The following SLC35F4 variants were observed in gnomAD, a reference collection of about 807,000 sequenced individuals.
The protein encoded by SLC35F4 is chromosome 14 open reading frame 36.
Under a neutral mutation model 44.2 loss-of-function variants are expected in SLC35F4, and 24 were observed. The observed-to-expected ratio is 0.54, with a 90% confidence interval of 0.39 to 0.76. The LOEUF (loss-of-function observed/expected upper bound fraction) is 0.76. Ranked by LOEUF, SLC35F4 falls within the 30% of genes least tolerant of loss-of-function variation. The pLI is 0.00. For synonymous variants in SLC35F4, 238 were observed against 223.6 expected (o/e 1.06, Z -0.57); for missense variants, 562 against 586.1 (o/e 0.96, Z 0.42).
At position 57,811,343 on chromosome 14, in the gene SLC35F4, C is replaced by A. The variant is rs185985809; in HGVS notation, c.103+54380G>T. Among the ~76,000 whole-genome samples, 1,001 of 152,198 alleles carry A rather than the reference C, an allele frequency of 6.6e-3. 7 individuals carry two copies. The highest frequency in any genetic ancestry group is 0.011 in the Admixed American group (167 of 15,286). ...TAATCTTTCTGAGCCTCAATTGTCTCGGCTCTAGAATAAGCCAAGTAGGTA... is the reference window on the plus strand; with the variant it reads ...TAATCTTTCTGAGCCTCAATTGTCTAGGCTCTAGAATAAGCCAAGTAGGTA... On this transcript the variant is annotated intron_variant, in intron 1 of 7. Transcript: ENST00000556826.
intron 1 of SLC35F4, among the ~76,000 whole-genome samples, chr14:57,923,767 T>G (rs972275822): frequency 1.1e-4 from 17 of 152,232 alleles, no homozygotes; most frequent in African/African-American, 4.1e-4. Flanking sequence ...CATCTGAGGA[T>G]TCTCAATAGA....
At chr14:57,642,999 G>A (rs554316845) in intron 1 of SLC35F4, among the ~76,000 whole-genome samples, 1 of 151,922 alleles carries the variant, frequency 6.6e-6, no homozygotes, top group East Asian at 1.9e-4. Flanking sequence ...TTAGCACATT[G>A]TTTGTGTAAT....
chr14:57,834,977 C>T lies in SLC35F4; in HGVS notation c.103+30746G>A, dbSNP rs542762937. 3.8e-4 allele frequency among the ~76,000 whole-genome samples: 58 copies of T among 152,200 alleles called. 3 individuals are homozygous for T. The highest frequency in any genetic ancestry group is 1.5e-3 in the East Asian group (8 of 5,168). ...CCAGAAGGCAGAGATTGCAGTGGGC[C>T]GAGATCGCACCACTGCACTCCAGCC... On this transcript the variant is annotated intron_variant, in intron 1 of 7. Coordinates refer to ENST00000556826, the MANE Select transcript of SLC35F4 (RefSeq NM_001306087.2).
chr14:57,717,723 T>A (rs1486224783), intron 1 of SLC35F4, among the ~76,000 whole-genome samples: 2 of 152,238 alleles, frequency 1.3e-5, no homozygotes, highest in African/African-American at 4.8e-5. Context: ...ACTTTTAATT[T>A]TTGTGGGTAC....
At chr14:57,774,644 CCT>C (rs1292754680) in intron 1 of SLC35F4, among the ~76,000 whole-genome samples, 1 of 152,206 alleles carries the variant, frequency 6.6e-6, no homozygotes, top group Non-Finnish European at 1.5e-5. Flanking sequence ...CCTGGCCACA[CCT>C]GCTTGCAGTA....
chr14:57,921,797 A>T (rs2141058411), intron 1 of SLC35F4, among the ~76,000 whole-genome samples: 1 of 152,278 alleles, frequency 6.6e-6, no homozygotes, highest in South Asian at 2.1e-4. Flanking sequence ...ACCTCGTCTG[A>T]ACTAATTACA....
chr14:57,782,686 AC>A (rs1303244020), intron 1 of SLC35F4, among the ~76,000 whole-genome samples: 1 of 152,178 alleles, frequency 6.6e-6, no homozygotes, highest in Non-Finnish European at 1.5e-5. Context: ...TGCTTAAAAC[AC>A]CCTGCGTAAG....
At chr14:57,927,020 C>A (rs1453506732) in intron 1 of SLC35F4, among the ~76,000 whole-genome samples, 1 of 152,112 alleles carries the variant, frequency 6.6e-6, no homozygotes, top group Admixed American at 6.5e-5. Context: ...GAATGAAGGC[C>A]ACATTCCCCA....
intron 1 of SLC35F4, among the ~76,000 whole-genome samples, chr14:57,935,643 C>T (rs1238676388): frequency 6.6e-6 from 1 of 152,170 alleles, no homozygotes. Flanking sequence ...CATATATTTC[C>T]TATCAGCTCT....
chr14:57,629,847 A>C (rs988324487), intron 1 of SLC35F4: 2 of 338,922 alleles, frequency 5.9e-6, no homozygotes, highest in South Asian at 2.4e-5. Context: ...GCAGCCGGAG[A>C]TGCAGACAGT....
At chr14:57,723,848 GAGCAAGA>G (rs535517029) in intron 1 of SLC35F4, among the ~76,000 whole-genome samples, 7 of 152,282 alleles carry the variant, frequency 4.6e-5, no homozygotes, top group African/African-American at 1.7e-4. Context: ...TGGATCTAGT[GAGCAAGA>G]AGTAGCAAAC....
intron 1 of SLC35F4, among the ~76,000 whole-genome samples, chr14:57,926,287 T>A (rs1323896304): frequency 6.6e-6 from 1 of 152,214 alleles, no homozygotes; most frequent in Non-Finnish European, 1.5e-5. Context: ...ATGTTTGCTG[T>A]GGCAGGGCTC....
At chr14:57,861,681 C>G (rs1887691463) in intron 1 of SLC35F4, among the ~76,000 whole-genome samples, 1 of 152,152 alleles carries the variant, frequency 6.6e-6, no homozygotes, top group African/African-American at 2.4e-5. Flanking sequence ...AATCGGTCTT[C>G]TTTTTACTTG....
intron 1 of SLC35F4, among the ~76,000 whole-genome samples, chr14:57,954,869 T>C (rs1890207914): frequency 1.3e-5 from 2 of 150,810 alleles, no homozygotes; most frequent in Admixed American, 1.3e-4. Context: ...CTGGTACCAT[T>C]CCTTTTGAAA....
At chr14:57,785,349 C>T (rs929224002) in intron 1 of SLC35F4, among the ~76,000 whole-genome samples, 9 of 152,080 alleles carry the variant, frequency 5.9e-5, no homozygotes, top group African/African-American at 1.7e-4. Flanking sequence ...CTCCATTGCA[C>T]GGCACCCCTG....
At chr14:57,741,738 G>A (rs1006096628) in intron 1 of SLC35F4, among the ~76,000 whole-genome samples, 3 of 150,440 alleles carry the variant, frequency 2.0e-5, no homozygotes, top group Admixed American at 1.3e-4. Flanking sequence ...TACAGAGAAT[G>A]CAATGAGAAG....
At chr14:57,760,813 G>C (rs1208508884) in intron 1 of SLC35F4, among the ~76,000 whole-genome samples, 1 of 152,162 alleles carries the variant, frequency 6.6e-6, no homozygotes, top group Non-Finnish European at 1.5e-5. Context: ...GTGAGTCTCA[G>C]ATACCAATAA....
rs561851906 is a variant in SLC35F4, at chr14:57,723,894, G to A, written c.104-129770C>T. Among the ~76,000 whole-genome samples the A allele has an allele frequency of 3.9e-5, 6 of 152,268 alleles. 1 individual carries two copies. Among genetic ancestry groups the A allele is most frequent in the Admixed American group, 3.9e-4 (6 of 15,298 alleles). Reference sequence around the variant, plus strand: ...CTGACCTTATTGGTGAGACATTTGTGTGCCAGAGGATGGGAAATAAAACCA... The same window carrying A: ...CTGACCTTATTGGTGAGACATTTGTATGCCAGAGGATGGGAAATAAAACCA... On this transcript the variant is annotated intron_variant, in intron 1 of 7. Transcript: ENST00000556826.
At chr14:57,786,379 G>A (rs1045398812) in intron 1 of SLC35F4, among the ~76,000 whole-genome samples, 4 of 152,252 alleles carry the variant, frequency 2.6e-5, no homozygotes, top group Middle Eastern at 3.4e-3. Context: ...GAGTTCTACG[G>A]CCCCGCCCAC....
Sources: gnomAD v4.1 joint callset for allele counts (sites outside exome capture counted in the v4.1 genomes callset) on GRCh38, gnomAD v4.1.1 for gene constraint, MANE v1.5 for transcripts, NCBI Gene and HGNC (gene_info 2026-07-23, HGNC 2026-07-21) for gene names.